CTNNA1: variants seen among roughly 807,000 people sequenced by gnomAD.
The protein encoded by CTNNA1 is catenin alpha 1, also known as catenin alpha-1.
A neutral mutation model predicts 98.4 loss-of-function variants in CTNNA1; 37 were observed. That is an observed-to-expected ratio of 0.38 (90% CI 0.29 to 0.49). CTNNA1 has a LOEUF of 0.49. CTNNA1 is among the 20% of genes least tolerant of loss of function. The pLI, the probability that CTNNA1 is intolerant of heterozygous loss-of-function variation, is 0.95. For synonymous variants in CTNNA1, 404 were observed against 413.2 expected (o/e 0.98, Z 0.27); for missense variants, 761 against 1,147.2 (o/e 0.66, Z 4.86).
intron 7 of CTNNA1, 133 bp downstream of exon 7, chr5:138,827,851 G>A (rs1181203102): frequency 9.6e-7 from 1 of 1,039,668 alleles, no homozygotes; most frequent in Admixed American, 2.6e-5. Flanking sequence ...GAGTAGGTCA[G>A]ATTTTTAAAG....
chr5:138,799,086 G>T (rs1757267662), intron 3 of CTNNA1, among the ~76,000 whole-genome samples: 1 of 151,862 alleles, frequency 6.6e-6, no homozygotes, highest in African/African-American at 2.4e-5. Context: ...AGTAGTTCTG[G>T]TCTTGAACCT....
At chr5:138,879,171 T>TTAAAA (rs1294788455) in intron 7 of CTNNA1, among the ~76,000 whole-genome samples, 19 of 80,318 alleles carry the variant, frequency 2.4e-4, no homozygotes, top group South Asian at 1.8e-3. Context: ...ACTCCGTCTT[T>TTAAAA]AAAAAAAAAA....
chr5:138,888,097 A>T (rs1280316094), intron 9 of CTNNA1, among the ~76,000 whole-genome samples: 5 of 152,232 alleles, frequency 3.3e-5, no homozygotes. Context: ...AAGATGATGT[A>T]TGTCAAATGC....
chr5:138,815,965 T>C (rs1415783882), intron 5 of CTNNA1, among the ~76,000 whole-genome samples: 1 of 152,218 alleles, frequency 6.6e-6, no homozygotes, highest in Admixed American at 6.5e-5. Flanking sequence ...TGATGGAAAC[T>C]TCATTATTTC....
intron 7 of CTNNA1, chr5:138,872,833 T>C: frequency 2.0e-6 from 1 of 508,686 alleles, no homozygotes; most frequent in Non-Finnish European, 3.4e-6. Context: ...CATTTAACAC[T>C]TAAAATATGG....
At chr5:138,831,055 G>A (rs1335361395) in intron 7 of CTNNA1, among the ~76,000 whole-genome samples, 2 of 152,116 alleles carry the variant, frequency 1.3e-5, no homozygotes, top group East Asian at 1.9e-4. Flanking sequence ...TGTTTACTAC[G>A]TGGAACTTTG....
Position 138,934,106 on chromosome 5 carries a change from C to A in CTNNA1, c.*17C>A, listed in dbSNP as rs139000048. On this transcript the variant is annotated 3_prime_UTR_variant, in exon 18 of 18. Transcript: ENST00000302763. ...AGCATCTAAGTCTGCCCAGGCCGGC[C>A]GCCCCCACCCCTCGGGGCTCCTGAA... 1.1e-5 allele frequency: 18 copies of A among 1,598,190 alleles called. No homozygotes were observed. Among genetic ancestry groups the A allele is most frequent in the Non-Finnish European group, 1.5e-5 (18 of 1,171,518 alleles).
At chr5:138,901,207 G>T (rs775186854) in intron 9 of CTNNA1, among the ~76,000 whole-genome samples, 1 of 152,042 alleles carries the variant, frequency 6.6e-6, no homozygotes, top group Non-Finnish European at 1.5e-5. Flanking sequence ...GTCCAGGCTG[G>T]AGTGCAGTGG....
In CTNNA1 at chr5:138,875,368, T is replaced by C. The variant is rs1751250587; in HGVS notation, c.1063-10844T>C. Reference sequence around the variant, plus strand: ...CTTATGTGCTGCGACCACACAGAACTGTATATAGGCTGACGTCACCGGATG... The same window carrying C: ...CTTATGTGCTGCGACCACACAGAACCGTATATAGGCTGACGTCACCGGATG... On this transcript the variant is annotated intron_variant, in intron 7 of 17. Coordinates refer to ENST00000302763, the MANE Select transcript of CTNNA1 (RefSeq NM_001903.5). 6 of 993,224 alleles carry C rather than the reference T, an allele frequency of 6.0e-6. No individual in the cohort carries two copies. In the African/African-American group the frequency reaches 8.7e-5, roughly 14 times the overall value. 61.5% of individuals were successfully genotyped at this position (993,224 alleles called of 1,614,324 possible). A position where few individuals can be genotyped will look rare whatever the true frequency, so the allele number is the denominator to read the frequency against.
intron 10 of CTNNA1, among the ~76,000 whole-genome samples, chr5:138,905,657 C>T (rs1759083940): frequency 6.6e-6 from 1 of 152,186 alleles, no homozygotes; most frequent in Admixed American, 6.5e-5. Context: ...ACATCTGGCC[C>T]TCTAGAAAGA....
At position 138,917,897 on chromosome 5, in the gene CTNNA1, A is replaced by G. The variant is rs1762139313; in HGVS notation, c.1545A>G (p.Ser515=). The G allele has an allele frequency of 6.2e-7, 1 of 1,613,890 alleles. No homozygotes were observed. The highest frequency in any genetic ancestry group is 8.5e-7 in the Non-Finnish European group (1 of 1,179,814). ...ITSIDDFLAV[S]ENHILEDVNK... is the part of the protein sequence containing the mutation. ...CCATTGATGACTTCTTGGCTGTCTC[A>G]GGTAATGAGCTGGTTCCCCAGAGAA... is the stretch of plus-strand genomic sequence containing the variant. The change falls in exon 11 of 18, where the codon TCA becomes TCG. Residue 515 remains serine, a splice_region_variant and synonymous_variant. Transcript: ENST00000302763.
chr5:138,816,981 G>A (rs1474137614), intron 5 of CTNNA1, among the ~76,000 whole-genome samples: 5 of 152,172 alleles, frequency 3.3e-5, no homozygotes, highest in Admixed American at 3.3e-4. Flanking sequence ...GATTACAGGT[G>A]TGACCCACCG....
chr5:138,912,476 T>C (rs891242677), intron 10 of CTNNA1, among the ~76,000 whole-genome samples: 1 of 152,206 alleles, frequency 6.6e-6, no homozygotes, highest in Non-Finnish European at 1.5e-5. Context: ...CCATTCCTGA[T>C]AGAACACTTT....
Position 138,845,937 on chromosome 5 carries a change from G to GT in CTNNA1, c.1062+18226dup, listed in dbSNP as rs574796130. Among the ~76,000 whole-genome samples the GT allele has an allele frequency of 6.1e-4, 55 of 89,790 alleles. No homozygotes were observed. In the East Asian group the frequency reaches 0.021, roughly 35 times the overall value. The allele number at this position is 89,790 out of a possible 152,430, so 58.9% of individuals were successfully genotyped here. On this transcript the variant is annotated intron_variant, in intron 7 of 17. Transcript: ENST00000302763. ...GGTTTTTTTTGTTTTTTTGTTTTTT[G>GT]TTTTTTTGAGACAGATTCTCGCTGT...
At chr5:138,830,523 G>A (rs1042152716) in intron 7 of CTNNA1, among the ~76,000 whole-genome samples, 26 of 152,248 alleles carry the variant, frequency 1.7e-4, no homozygotes, top group African/African-American at 6.3e-4. Context: ...AAGCACTGGA[G>A]TGAGGATAAA....
chr5:138,803,698 C>G (rs1757802809), intron 3 of CTNNA1, among the ~76,000 whole-genome samples: 1 of 152,170 alleles, frequency 6.6e-6, no homozygotes, highest in Non-Finnish European at 1.5e-5. Context: ...GTCTTCAAAT[C>G]AAATGGTATT....
At chr5:138,892,525 A>G (rs1273846954) in intron 9 of CTNNA1, among the ~76,000 whole-genome samples, 1 of 151,206 alleles carries the variant, frequency 6.6e-6, no homozygotes, top group Non-Finnish European at 1.5e-5. Context: ...TTTAGAAGAG[A>G]TGGAGTTTCA....
rs1554085148 is a variant in CTNNA1, at chr5:138,825,485, T to TTTTTTTTGTTTTG, written c.858+693_858+694insGTTTTGTTTTTTT. On this transcript the variant is annotated intron_variant, in intron 6 of 17. Transcript: ENST00000302763. ...CCAGTAGATGGCAGCAGTATAAGTT[T>TTTTTTTTGTTTTG]TTTTTTTTTTTTTAGGGCTTTAAAA... 2.2e-4 allele frequency among the ~76,000 whole-genome samples: 24 copies of TTTTTTTTGTTTTG among 107,934 alleles called. 1 individual carries two copies. The highest frequency in any genetic ancestry group is 3.1e-4 in the Non-Finnish European group (17 of 54,414). 70.8% of individuals were successfully genotyped at this position (107,934 alleles called of 152,430 possible). A position where few individuals can be genotyped will look rare whatever the true frequency, so the allele number is the denominator to read the frequency against.
intron 7 of CTNNA1, among the ~76,000 whole-genome samples, chr5:138,844,660 G>A (rs1194005368): frequency 1.3e-5 from 2 of 151,974 alleles, no homozygotes; most frequent in East Asian, 3.8e-4. Context: ...TCTTTTTTAG[G>A]GGACGAAAGT....
Sources: gnomAD v4.1 joint callset for allele counts (sites outside exome capture counted in the v4.1 genomes callset) on GRCh38, gnomAD v4.1.1 for gene constraint, MANE v1.5 for transcripts, NCBI Gene and HGNC (gene_info 2026-07-23, HGNC 2026-07-21) for gene names.